The following CACNA1A variants were observed in gnomAD, a reference collection of about 807,000 sequenced individuals.
CACNA1A encodes voltage-dependent P/Q-type calcium channel subunit alpha-1A.
Under a neutral mutation model 262.4 loss-of-function variants are expected in CACNA1A, and 57 were observed. That is an observed-to-expected ratio of 0.22 (90% CI 0.18 to 0.27). The LOEUF (loss-of-function observed/expected upper bound fraction) is 0.27, where lower values mean the gene tolerates loss of function less well. Ranked by LOEUF, CACNA1A falls within the 10% of genes least tolerant of loss-of-function variation. The probability of loss-of-function intolerance (pLI) is 1.00; values close to 1 mark genes in which losing one functional copy is unlikely to be tolerated. For synonymous variants in CACNA1A, 1,431 were observed against 1,419.3 expected (o/e 1.01, Z -0.18); for missense variants, 2,526 against 3,562.8 (o/e 0.71, Z 7.41).
At chr19:13,387,844 C>T (rs2144636099) in intron 3 of CACNA1A, among the ~76,000 whole-genome samples, 1 of 152,120 alleles carries the variant, frequency 6.6e-6, no homozygotes, top group East Asian at 1.9e-4. Flanking sequence ...TGACATCCTG[C>T]CTCTAAAAAT....
chr19:13,402,915 T>TAC (rs1555781223), intron 3 of CACNA1A, among the ~76,000 whole-genome samples: 5 of 121,978 alleles, frequency 4.1e-5, no homozygotes, highest in East Asian at 2.4e-4. Context: ...TATATATATA[T>TAC]ACTTGCAAGT....
chr19:13,412,712 G>C (rs1221508932), intron 3 of CACNA1A, among the ~76,000 whole-genome samples: 1 of 151,970 alleles, frequency 6.6e-6, no homozygotes, highest in Non-Finnish European at 1.5e-5. Context: ...CCCAACCTCA[G>C]GTGATCTACC....
At position 13,207,946 on chromosome 19, in the gene CACNA1A, G is replaced by A. The variant is rs1027760192; in HGVS notation, c.6888C>T (p.His2296=). ...TACGGATCACAGGGGAATAGGACAC[G>A]TGTGGCCGGGGGGTGGAGGGGGTCT... ...LPQTPSTPRP[H]VSYSPVIRKA... is the part of the protein sequence containing the mutation. The change falls in exon 47 of 47, where the codon CAC becomes CAT. Residue 2296 remains histidine (H), a synonymous_variant. Transcript: ENST00000360228. This position sits in a 1 kb window ranked among gnomAD's most constrained non-coding sequence, Gnocchi z 5.7. 2.9e-6 allele frequency: 4 copies of A among 1,384,978 alleles called. No individual in the cohort carries two copies. The African/African-American group carries it at 6.1e-5, about 21-fold the overall frequency. 85.8% of individuals were successfully genotyped at this position (1,384,978 alleles called of 1,614,324 possible). A position where few individuals can be genotyped will look rare whatever the true frequency, so the allele number is the denominator to read the frequency against.
At chr19:13,276,058 T>C (rs2057139977) in intron 23 of CACNA1A, 102 bp from the exon 24 acceptor site, 4 of 691,110 alleles carry the variant, frequency 5.8e-6, no homozygotes, top group Non-Finnish European at 7.6e-6. Flanking sequence ...GGGAAGCCAA[T>C]GAGGCCACCT....
chr19:13,326,309 C>T (rs2058361250), intron 10 of CACNA1A, among the ~76,000 whole-genome samples: 1 of 148,468 alleles, frequency 6.7e-6, no homozygotes, highest in African/African-American at 2.5e-5. Flanking sequence ...AGTAAGACTC[C>T]ATCTCAAAAA....
intron 1 of CACNA1A, among the ~76,000 whole-genome samples, chr19:13,477,386 G>A (rs1369420534): frequency 6.6e-6 from 1 of 152,176 alleles, no homozygotes; most frequent in African/African-American, 2.4e-5. Flanking sequence ...AGCTCCCAGA[G>A]GGCAGGGACT....
chr19:13,340,679 G>A (rs1231110862), intron 6 of CACNA1A, among the ~76,000 whole-genome samples: 1 of 152,020 alleles, frequency 6.6e-6, no homozygotes, highest in East Asian at 1.9e-4. Flanking sequence ...CACTCACCTC[G>A]GCCTCCCAAA....
chr19:13,476,608 T>C (rs939722749), intron 1 of CACNA1A, among the ~76,000 whole-genome samples: 1 of 152,082 alleles, frequency 6.6e-6, no homozygotes, highest in Non-Finnish European at 1.5e-5. Context: ...TTAGGGGGGA[T>C]GAAATGTTCT....
chr19:13,353,173 G>C (rs1242899303), intron 6 of CACNA1A, among the ~76,000 whole-genome samples: 1 of 151,844 alleles, frequency 6.6e-6, no homozygotes, highest in Non-Finnish European at 1.5e-5. Flanking sequence ...GAGTGCAGTG[G>C]CGTGATCACG....
chr19:13,262,520 G>A (rs554257056), intron 25 of CACNA1A: 4 of 524,798 alleles, frequency 7.6e-6, no homozygotes, highest in Non-Finnish European at 1.4e-5. Context: ...TTCATCTAAA[G>A]AAAAACTGCC....
chr19:13,452,800 G>C, intron 3 of CACNA1A, 76 bp downstream of exon 3: 1 of 1,437,494 alleles, frequency 7.0e-7, no homozygotes, highest in Non-Finnish European at 9.6e-7. Flanking sequence ...CCTGAGCCTG[G>C]CCCGGACCAC....
At chr19:13,312,542 C>T in intron 12 of CACNA1A, 127 bp downstream of exon 12, 1 of 615,360 alleles carries the variant, frequency 1.6e-6, no homozygotes, top group Non-Finnish European at 2.8e-6. Flanking sequence ...TTTTCTCATT[C>T]CTTCTGCATC....
chr19:13,419,219 C>A (rs915906601), intron 3 of CACNA1A, among the ~76,000 whole-genome samples: 1 of 152,214 alleles, frequency 6.6e-6, no homozygotes, highest in Non-Finnish European at 1.5e-5. Flanking sequence ...CAACTGCCTA[C>A]AGTATTCAAG....
At chr19:13,473,383 C>A (rs1427008854) in intron 1 of CACNA1A, among the ~76,000 whole-genome samples, 2 of 152,196 alleles carry the variant, frequency 1.3e-5, no homozygotes, top group Non-Finnish European at 2.9e-5. Flanking sequence ...ATGCTAACAA[C>A]TACCAGAAAC....
Position 13,212,631 on chromosome 19 carries a change from A to G in CACNA1A, c.6050T>C (p.Leu2017Pro), listed in dbSNP as rs774375692. The change falls in exon 41 of 47, where the codon CTG becomes CCG. Residue 2017 changes from leucine to proline, a missense_variant and splice_region_variant. Leu to Pro is a moderately conservative substitution (Grantham distance 98, BLOSUM62 -3). Coordinates refer to ENST00000360228, the MANE Select transcript of CACNA1A (RefSeq NM_001127222.2). The surrounding 1 kb of genome is among the most constrained non-coding windows in gnomAD (Gnocchi z 5.6). ...PSTQLDPGGA[L>P]MAHESGLKES... ...CCTCCCTGGCAGGGGTGACACTCAC[A>G]GGGCTCCTCCTGGGTCCAGCTGGGT... 13 of 1,519,516 alleles carry G rather than the reference A, an allele frequency of 8.6e-6. No homozygotes were observed. The highest frequency in any genetic ancestry group is 1.2e-5 in the Non-Finnish European group (13 of 1,129,288). 94.1% of individuals were successfully genotyped at this position (1,519,516 alleles called of 1,614,324 possible).
intron 6 of CACNA1A, among the ~76,000 whole-genome samples, chr19:13,353,022 C>T (rs938380234): frequency 6.6e-6 from 1 of 152,188 alleles, no homozygotes; most frequent in Non-Finnish European, 1.5e-5. Context: ...ATCTGCCTGC[C>T]TTGGCCTCCC....
intron 3 of CACNA1A, among the ~76,000 whole-genome samples, chr19:13,428,941 G>A (rs2060451547): frequency 6.6e-6 from 1 of 152,066 alleles, no homozygotes; most frequent in Non-Finnish European, 1.5e-5. Flanking sequence ...GAATGGCCTT[G>A]AGGACGGCAC....
intron 3 of CACNA1A, among the ~76,000 whole-genome samples, chr19:13,444,144 T>C (rs1231924919): frequency 6.6e-6 from 1 of 152,102 alleles, no homozygotes; most frequent in Non-Finnish European, 1.5e-5. Flanking sequence ...CTTTGAACAA[T>C]AAAAAGATCG....
intron 3 of CACNA1A, among the ~76,000 whole-genome samples, chr19:13,385,859 G>C (rs952681006): frequency 6.6e-6 from 1 of 151,892 alleles, no homozygotes; most frequent in Non-Finnish European, 1.5e-5. Context: ...GGAAGGCTCA[G>C]TATTTAAAGA....
Sources: allele counts gnomAD v4.1 joint callset (sites outside exome capture counted in the v4.1 genomes callset), GRCh38; gene constraint gnomAD v4.1.1; non-coding constraint Gnocchi (gnomAD v3.1); transcripts MANE v1.5; gene names NCBI Gene and HGNC (gene_info 2026-07-23, HGNC 2026-07-21).